The following DGKI variants were observed in gnomAD, a reference collection of about 807,000 sequenced individuals.
DGKI encodes the protein DAG kinase iota.
A neutral mutation model predicts 147.5 loss-of-function variants in DGKI; 55 were observed. The ratio of observed to expected loss-of-function variants is 0.37; its 90% CI spans 0.30 to 0.47. The LOEUF (loss-of-function observed/expected upper bound fraction) is 0.47. Among genes scored for constraint, DGKI ranks in the 20% least tolerant of loss-of-function variants. The pLI, the probability that DGKI is intolerant of heterozygous loss-of-function variation, is 1.00. For missense variants in DGKI, 1,007 were observed against 1,323.8 expected (o/e 0.76, Z 3.71); for synonymous variants, 469 against 477.1 (o/e 0.98, Z 0.22).
At chr7:137,632,518 T>C (rs553618440) in intron 6 of DGKI, among the ~76,000 whole-genome samples, 4 of 152,320 alleles carry the variant, frequency 2.6e-5, no homozygotes, top group Admixed American at 2.6e-4. Context: ...TTGACATGTA[T>C]ACCCTGGGTA....
intron 21 of DGKI, among the ~76,000 whole-genome samples, chr7:137,509,792 G>T (rs142276463): frequency 1.8e-4 from 27 of 152,224 alleles, no homozygotes; most frequent in African/African-American, 6.3e-4. Flanking sequence ...AGAAGAAAGA[G>T]AATGAAAGGG....
chr7:137,766,924 A>G (rs1456305352), intron 1 of DGKI, among the ~76,000 whole-genome samples: 2 of 152,238 alleles, frequency 1.3e-5, no homozygotes, highest in South Asian at 2.1e-4. Context: ...TGGCCAGCCC[A>G]AGGGAAAAGC....
chr7:137,625,450 A>C (rs1820901896), intron 6 of DGKI, among the ~76,000 whole-genome samples: 2 of 151,634 alleles, frequency 1.3e-5, no homozygotes, highest in Admixed American at 1.3e-4. Flanking sequence ...ATAGAGCAAG[A>C]CTCCATCTCA....
At chr7:137,828,467 GA>G (rs1798125195) in intron 1 of DGKI, among the ~76,000 whole-genome samples, 1 of 152,008 alleles carries the variant, frequency 6.6e-6, no homozygotes. Flanking sequence ...TCAATACCAA[GA>G]CTTGAAAGAA....
intron 1 of DGKI, among the ~76,000 whole-genome samples, chr7:137,827,438 A>G (rs951253698): frequency 3.3e-5 from 5 of 152,318 alleles, no homozygotes; most frequent in African/African-American, 7.2e-5. Flanking sequence ...CAAATACGTC[A>G]TACATTTCTA....
intron 1 of DGKI, among the ~76,000 whole-genome samples, chr7:137,826,721 G>T (rs1343937562): frequency 6.6e-6 from 1 of 152,096 alleles, no homozygotes; most frequent in Non-Finnish European, 1.5e-5. Context: ...AGGGGGAAGG[G>T]GGCGGCGGGG....
chr7:137,494,397 G>A (rs751644922), intron 21 of DGKI, among the ~76,000 whole-genome samples: 1 of 151,970 alleles, frequency 6.6e-6, no homozygotes, highest in African/African-American at 2.4e-5. Context: ...AAAATGAAAG[G>A]AAGAAAGTTT....
rs762107523 is a variant in DGKI, at chr7:137,597,848, G to A, written c.1310C>T (p.Thr437Met). The A allele has an allele frequency of 2.5e-6, 4 of 1,613,750 alleles. No homozygotes were observed. The highest frequency in any genetic ancestry group is 3.4e-6 in the Non-Finnish European group (4 of 1,179,734). The change falls in exon 12 of 33, where the codon ACG becomes ATG. Residue 437 changes from threonine (T) to methionine (M), a missense_variant and splice_region_variant. This residue lies in a region of DGKI where 224 missense variants were observed against 382.7 expected (regional missense o/e 0.59). Coordinates refer to ENST00000614521, the MANE Select transcript of DGKI (RefSeq NM_001321708.2). ...CTGGATTCTCTCTCAGGGACCTACC[G>A]TTCCATCCCCACCACAGGCCAGAAT... ...LRILACGGDG[T>M]VGWILSILDE...
At chr7:137,391,483 A>G (rs1811363975) in intron 32 of DGKI, 147 bp from the exon 33 acceptor site, 5 of 597,198 alleles carry the variant, frequency 8.4e-6, no homozygotes, top group Middle Eastern at 6.0e-4. Context: ...ATCCTTTCAC[A>G]TTTGGTGTTT....
chr7:137,547,377 T>G (rs1403573128), intron 20 of DGKI, among the ~76,000 whole-genome samples: 4 of 152,234 alleles, frequency 2.6e-5, no homozygotes, highest in African/African-American at 9.6e-5. Context: ...ACATTAATTT[T>G]TCCTTTTGCA....
chr7:137,779,082 T>A (rs1318743494), intron 1 of DGKI, among the ~76,000 whole-genome samples: 2 of 152,210 alleles, frequency 1.3e-5, no homozygotes, highest in Non-Finnish European at 2.9e-5. Flanking sequence ...AGAGAATTCA[T>A]ACCACATGAC....
At chr7:137,583,892 C>G (rs1383242882) in intron 14 of DGKI, among the ~76,000 whole-genome samples, 1 of 152,070 alleles carries the variant, frequency 6.6e-6, no homozygotes, top group Admixed American at 6.6e-5. Context: ...GCTGAGCAAT[C>G]ATGATATCTA....
chr7:137,613,012 T>C (rs115602753), intron 8 of DGKI, among the ~76,000 whole-genome samples: 1,540 of 152,274 alleles, frequency 0.01, 21 homozygotes, highest in African/African-American at 0.036. Context: ...GCCACAGAAA[T>C]AATCCTATCA....
In DGKI at chr7:137,383,421, T is replaced by A. The variant is rs188976160; in HGVS notation, c.*7799A>T. On this transcript the variant is annotated 3_prime_UTR_variant, in exon 33 of 33. Transcript: ENST00000614521. ...ATATTTGCAATGATGGAAGCTTTTT[T>A]AAAAAATGCCTTCATTGCTATCTAG... 965 of 151,858 alleles carry A rather than the reference T, an allele frequency of 6.4e-3. 10 individuals are homozygous for A. The highest frequency in any genetic ancestry group is 0.022 in the African/African-American group (923 of 41,438). 9.4% of individuals were successfully genotyped at this position (151,858 alleles called of 1,614,324 possible).
At chr7:137,615,960 T>C (rs2128995467) in intron 8 of DGKI, among the ~76,000 whole-genome samples, 1 of 152,252 alleles carries the variant, frequency 6.6e-6, no homozygotes, top group African/African-American at 2.4e-5. Context: ...TGCTGCATTG[T>C]CCCCACAAGC....
At chr7:137,643,435 G>C (rs139669700) in intron 6 of DGKI, among the ~76,000 whole-genome samples, 320 of 152,018 alleles carry the variant, frequency 2.1e-3, no homozygotes, top group African/African-American at 7.1e-3. Context: ...TAGCTTTCCT[G>C]TCCAGGGTGG....
chr7:137,711,434 C>G (rs1563161749), intron 1 of DGKI, among the ~76,000 whole-genome samples: 1 of 152,160 alleles, frequency 6.6e-6, no homozygotes, highest in Non-Finnish European at 1.5e-5. Context: ...AAATGAACTA[C>G]AGTTGCATAG....
intron 3 of DGKI, among the ~76,000 whole-genome samples, chr7:137,672,137 A>C (rs1488491872): frequency 6.6e-6 from 1 of 151,906 alleles, no homozygotes. Flanking sequence ...ACCACATACC[A>C]CTCAACCTAA....
intron 30 of DGKI, among the ~76,000 whole-genome samples, chr7:137,406,568 T>C (rs565687289): frequency 1.3e-5 from 2 of 152,216 alleles, no homozygotes; most frequent in South Asian, 2.1e-4. Context: ...TGAGAAGGTG[T>C]TGAAGACAAA....
Sources: allele counts gnomAD v4.1 joint callset (sites outside exome capture counted in the v4.1 genomes callset), GRCh38; gene constraint gnomAD v4.1.1; regional missense constraint gnomAD v4.1.1; transcripts MANE v1.5; gene names NCBI Gene and HGNC (gene_info 2026-07-23, HGNC 2026-07-21).